RFX4: variants seen among roughly 807,000 people sequenced by gnomAD.
The protein encoded by RFX4 is transcription factor RFX4.
RFX4 carries 10 observed loss-of-function variants against 95.0 expected under a neutral mutation model. The ratio of observed to expected loss-of-function variants is 0.11; its 90% CI spans 0.06 to 0.18. RFX4 has a LOEUF of 0.18. Ranked by LOEUF, RFX4 falls within the 10% of genes least tolerant of loss-of-function variation. The probability of loss-of-function intolerance (pLI) is 1.00; values close to 1 mark genes in which losing one functional copy is unlikely to be tolerated. For missense variants in RFX4, 640 were observed against 922.0 expected (o/e 0.69, Z 3.96); for synonymous variants, 321 against 340.7 (o/e 0.94, Z 0.64).
rs1308546352 is a variant in RFX4 at position 106,602,757 on chromosome 12, T to G, written c.44-6040T>G. On this transcript the variant is annotated intron_variant, in intron 1 of 17. Coordinates refer to ENST00000392842, the MANE Select transcript of RFX4 (RefSeq NM_213594.3). The stretch of plus-strand genomic sequence containing the variant: ...GGCTCTTTCTTCCCAGAGGCCTTTC[T>G]GGTGGAGAATCCCCCCTCCTTGTCT... Among the ~76,000 whole-genome samples the G allele has an allele frequency of 3.3e-5, 5 of 152,288 alleles. No individual in the cohort carries two copies. The South Asian group carries it at 8.3e-4, about 25-fold the overall frequency.
chr12:106,698,834 T>C (rs2041934313), intron 8 of RFX4, among the ~76,000 whole-genome samples: 1 of 152,138 alleles, frequency 6.6e-6, no homozygotes. Context: ...TGACTAGAAA[T>C]TTTTCAGTGT....
At chr12:106,684,790 T>C (rs1464111377) in intron 5 of RFX4, 1 of 1,154,704 alleles carries the variant, frequency 8.7e-7, no homozygotes, top group Non-Finnish European at 1.2e-6. Context: ...GCACAAAGAA[T>C]TTTCTGATAA....
chr12:106,656,382 A>C (rs1385026557), intron 4 of RFX4, among the ~76,000 whole-genome samples: 1 of 152,242 alleles, frequency 6.6e-6, no homozygotes, highest in African/African-American at 2.4e-5. Context: ...AAGTTCTATC[A>C]GAGAGTCCTG....
At position 106,715,563 on chromosome 12, in the gene RFX4, G is replaced by A. The variant is rs753935568; in HGVS notation, c.1138+19G>A. ...ACCCAATGTAAGCTGTCCCACCAGG[G>A]ATTGTTGTCCTGTTTTTATTTTTAA... On this transcript the variant is annotated intron_variant, in intron 11 of 17. Transcript: ENST00000392842. 6.8e-6 allele frequency: 11 copies of A among 1,610,180 alleles called. No homozygotes were observed. Among genetic ancestry groups the A allele is most frequent in the Non-Finnish European group, 8.5e-6 (10 of 1,177,562 alleles).
At chr12:106,757,336 C>T (rs2043126677) in intron 17 of RFX4, among the ~76,000 whole-genome samples, 1 of 151,920 alleles carries the variant, frequency 6.6e-6, no homozygotes, top group South Asian at 2.1e-4. Context: ...CCGTTTGAGC[C>T]CAGAAGTTTG....
intron 4 of RFX4, among the ~76,000 whole-genome samples, chr12:106,676,095 A>G (rs2041387442): frequency 6.6e-6 from 1 of 152,142 alleles, no homozygotes. Flanking sequence ...GAATATGAAG[A>G]TAGAGGGTAG....
chr12:106,610,136 G>T (rs2039928416), intron 2 of RFX4, among the ~76,000 whole-genome samples: 1 of 151,338 alleles, frequency 6.6e-6, no homozygotes, highest in African/African-American at 2.4e-5. Context: ...TACTCGAGAG[G>T]CTGAGGCAGG....
At chr12:106,680,997 TA>T (rs2137396479) in intron 4 of RFX4, 1 of 152,332 alleles carries the variant, frequency 6.6e-6, no homozygotes, top group East Asian at 1.9e-4. Context: ...TTCTTGCACG[TA>T]ACCCCTGACC....
At chr12:106,731,671 T>G in intron 13 of RFX4, among the ~76,000 whole-genome samples, 1 of 152,238 alleles carries the variant, frequency 6.6e-6, no homozygotes, top group East Asian at 1.9e-4. Flanking sequence ...CATTAGTAGA[T>G]AGCAATACAA....
Position 106,583,247 on chromosome 12 carries a change from T to C in RFX4, c.-74T>C. On this transcript the variant is annotated 5_prime_UTR_variant, in exon 1 of 18. Transcript: ENST00000392842. ...CTCCCTCCCTCCCTCCCTTCCTCCC[T>C]GGGCATCTCTAGCACAGGGGATCCC... is the stretch of plus-strand genomic sequence containing the variant. 8.9e-6 allele frequency: 5 copies of C among 561,448 alleles called. No individual in the cohort carries two copies. Among genetic ancestry groups the C allele is most frequent in the Non-Finnish European group, 1.5e-5 (5 of 331,888 alleles). The allele number at this position is 561,448 out of a possible 1,614,324, so 34.8% of individuals were successfully genotyped here.
chr12:106,703,696 T>C (rs569069268), intron 8 of RFX4, among the ~76,000 whole-genome samples: 2 of 152,258 alleles, frequency 1.3e-5, no homozygotes, highest in Admixed American at 1.3e-4. Flanking sequence ...GTTTGTGGGG[T>C]ACAAATGAAA....
intron 2 of RFX4, among the ~76,000 whole-genome samples, chr12:106,630,923 G>A (rs886672673): frequency 6.6e-6 from 1 of 152,198 alleles, no homozygotes; most frequent in East Asian, 1.9e-4. Context: ...GCTTATAAAT[G>A]TTTGGGTCTG....
Position 106,644,484 on chromosome 12 carries a change from C to T in RFX4, c.191+5092C>T, listed in dbSNP as rs529554687. Reference sequence around the variant, plus strand: ...CTGACCTCAAGTGATCCACCGGCCTCAGCCTCCCAAAGTGTTGGGATTACA... The same window carrying T: ...CTGACCTCAAGTGATCCACCGGCCTTAGCCTCCCAAAGTGTTGGGATTACA... On this transcript the variant is annotated intron_variant, in intron 3 of 17. Coordinates refer to ENST00000392842, the MANE Select transcript of RFX4 (RefSeq NM_213594.3). Among the ~76,000 whole-genome samples the T allele has an allele frequency of 2.0e-5, 3 of 152,286 alleles. No individual in the cohort carries two copies. In the South Asian group the frequency reaches 6.2e-4, roughly 32 times the overall value.
intron 11 of RFX4, 28 bp from the exon 12 acceptor site, chr12:106,719,932 G>A (rs1323242350): frequency 6.5e-7 from 1 of 1,549,428 alleles, no homozygotes; most frequent in Admixed American, 1.7e-5. Flanking sequence ...CTGCAGTGAT[G>A]CGTGTGGGGT....
Position 106,750,676 on chromosome 12 carries a change from T to C in RFX4, c.1818T>C (p.Tyr606=). ...TTAGATACACGGGAAGCTATAACTA[T>C]GGGAGCTATGGCAACCAGCATCCTC... ...EEHGYTGSYN[Y]GSYGNQHPHP... is the part of the protein sequence containing the mutation. The change falls in exon 17 of 18, where the codon TAT becomes TAC. Residue 606 remains tyrosine, a synonymous_variant. Coordinates refer to ENST00000392842, the MANE Select transcript of RFX4 (RefSeq NM_213594.3). The C allele has an allele frequency of 6.2e-7, 1 of 1,607,626 alleles. No individual in the cohort carries two copies. The highest frequency in any genetic ancestry group is 8.5e-7 in the Non-Finnish European group (1 of 1,177,290).
At chr12:106,649,362 G>A (rs2040817215) in intron 3 of RFX4, among the ~76,000 whole-genome samples, 1 of 152,182 alleles carries the variant, frequency 6.6e-6, no homozygotes, top group Non-Finnish European at 1.5e-5. Flanking sequence ...GCCCTTCCAT[G>A]CCAATTACAT....
At chr12:106,622,735 C>T (rs1255533345) in intron 2 of RFX4, among the ~76,000 whole-genome samples, 1 of 151,894 alleles carries the variant, frequency 6.6e-6, no homozygotes, top group African/African-American at 2.4e-5. Flanking sequence ...GTTCTCCTGC[C>T]TCAGCCTCCT....
intron 15 of RFX4, chr12:106,733,599 C>A (rs2042654238): frequency 6.6e-6 from 1 of 152,398 alleles, no homozygotes; most frequent in Non-Finnish European, 1.5e-5. Flanking sequence ...AACTGAGCTG[C>A]TTTCTTTTTC....
At chr12:106,731,639 G>C (rs184749301) in intron 13 of RFX4, among the ~76,000 whole-genome samples, 2 of 152,186 alleles carry the variant, frequency 1.3e-5, no homozygotes, top group East Asian at 3.8e-4. Context: ...TTTCAAATTG[G>C]CTCCTAGAAT....
Sources: gnomAD v4.1 joint callset for allele counts (sites outside exome capture counted in the v4.1 genomes callset) on GRCh38, gnomAD v4.1.1 for gene constraint, MANE v1.5 for transcripts, NCBI Gene and HGNC (gene_info 2026-07-23, HGNC 2026-07-21) for gene names.